Variants in SS18L1 observed in about 807,000 individuals in gnomAD.
SS18L1 encodes calcium-responsive transactivator.
SS18L1 carries 32 observed loss-of-function variants against 70.3 expected under a neutral mutation model. The ratio of observed to expected loss-of-function variants is 0.46; its 90% CI spans 0.34 to 0.61. The LOEUF (loss-of-function observed/expected upper bound fraction) is 0.61. Among genes scored for constraint, SS18L1 ranks in the 20% least tolerant of loss-of-function variants. The probability of loss-of-function intolerance (pLI) is 0.01; values close to 1 mark genes in which losing one functional copy is unlikely to be tolerated. For missense variants in SS18L1, 430 were observed against 542.1 expected (o/e 0.79, Z 2.05); for synonymous variants, 237 against 229.7 (o/e 1.03, Z -0.29).
rs2057713996 is a variant in SS18L1 at position 62,181,792 on chromosome 20, G to A, written c.*2584G>A. The A allele has an allele frequency of 4.4e-6, 1 of 226,722 alleles. No individual in the cohort carries two copies. The highest frequency in any genetic ancestry group is 8.8e-6 in the Non-Finnish European group (1 of 113,992). The allele number at this position is 226,722 out of a possible 1,614,324, so 14.0% of individuals were successfully genotyped here. A position where few individuals can be genotyped will look rare whatever the true frequency, so the allele number is the denominator to read the frequency against. Reference sequence around the variant, plus strand: ...TTCTGTCATATGAATGTTGAGCAAAGCTTAGGCCAACATGAATTGTTTGTG... The same window carrying A: ...TTCTGTCATATGAATGTTGAGCAAAACTTAGGCCAACATGAATTGTTTGTG... On this transcript the variant is annotated 3_prime_UTR_variant, in exon 11 of 11. Transcript: ENST00000331758.
chr20:62,152,931 C>T (rs776132229), intron 1 of SS18L1, among the ~76,000 whole-genome samples: 18 of 152,112 alleles, frequency 1.2e-4, no homozygotes, highest in Admixed American at 2.0e-4. Context: ...CAAAGCCGCG[C>T]GTGCACATCA....
At chr20:62,167,038 GTTTGTTTT>G (rs1330765561) in intron 8 of SS18L1, among the ~76,000 whole-genome samples, 1 of 110,970 alleles carries the variant, frequency 9.0e-6, no homozygotes, top group African/African-American at 4.6e-5. Flanking sequence ...TCAGGAGTTT[GTTTGTTTT>G]TTTTTTTTTT....
intron 1 of SS18L1, among the ~76,000 whole-genome samples, chr20:62,149,187 G>A (rs959912178): frequency 1.3e-5 from 2 of 152,242 alleles, no homozygotes; most frequent in Non-Finnish European, 2.9e-5. Flanking sequence ...GAATAAACAG[G>A]CCCTGGGTGC....
chr20:62,161,412 C>T lies in SS18L1; in HGVS notation c.232-24C>T, dbSNP rs1321715947. The T allele has an allele frequency of 6.2e-7, 1 of 1,612,648 alleles. No individual in the cohort carries two copies. The highest frequency in any genetic ancestry group is 8.5e-7 in the Non-Finnish European group (1 of 1,179,966). On this transcript the variant is annotated intron_variant, in intron 3 of 10. Transcript: ENST00000331758. The surrounding 1 kb of genome is among the most constrained non-coding windows in gnomAD (Gnocchi z 4.4). ...CTCTCCGTAAATTAACCGTTTTTCC[C>T]TGAAAACTTCCTGTTGCCTGCAGCC...
At position 62,174,619 on chromosome 20, in the gene SS18L1, A is replaced by C. The variant is rs759530171; in HGVS notation, c.1139A>C (p.Gln380Pro). 2 of 1,613,734 alleles carry C rather than the reference A, an allele frequency of 1.2e-6. No individual in the cohort carries two copies. Among genetic ancestry groups the C allele is most frequent in the South Asian group, 2.2e-5 (2 of 91,088 alleles). ...RAPQTAPSAQQQRPYGYEQGQ... is the reference protein window; with the variant it reads ...RAPQTAPSAQPQRPYGYEQGQ... ...CCGCAGACAGCGCCGTCTGCCCAGCAGCAGCGGCCCTACGGCTATGAACAG... is the reference window on the plus strand; with the variant it reads ...CCGCAGACAGCGCCGTCTGCCCAGCCGCAGCGGCCCTACGGCTATGAACAG... The change falls in exon 10 of 11, where the codon CAG (glutamine) becomes CCG (proline). Residue 380 changes from glutamine (Q) to proline (P), a missense_variant. Physicochemically the swap from Gln to Pro is moderately conservative, Grantham distance 76 (BLOSUM62 -1). Transcript: ENST00000331758. The surrounding 1 kb of genome is among the most constrained non-coding windows in gnomAD (Gnocchi z 4.1).
rs888254585 is a variant in SS18L1 at position 62,179,160 on chromosome 20, T to A, written c.1165-22T>A. 8.1e-6 allele frequency: 13 copies of A among 1,613,970 alleles called. No homozygotes were observed. The African/African-American group carries it at 1.6e-4, about 20-fold the overall frequency. On this transcript the variant is annotated intron_variant, in intron 10 of 10. Coordinates refer to ENST00000331758, the MANE Select transcript of SS18L1 (RefSeq NM_198935.3). ...TTCACTCATTACTATAGGGGTGTAA[T>A]CTGTGTCTTGATCTCTTTTAGGGCC...
rs754928753 is a variant in SS18L1, at chr20:62,163,591, G to A, written c.690G>A (p.Arg230=). Residue 230 remains arginine (R), a synonymous_variant, in exon 6 of 11, where the codon CGG becomes CGA. Coordinates refer to ENST00000331758, the MANE Select transcript of SS18L1 (RefSeq NM_198935.3). The stretch of plus-strand genomic sequence containing the variant: ...AGGGGAGCAGCATGATGGGGCAGCG[G>A]CCCATGGCGCCCTACCGGCCCTCCC... The part of the protein sequence containing the change: ...GSQGSSMMGQ[R]PMAPYRPSQQ... 6.2e-7 allele frequency: 1 copy of A among 1,603,818 alleles called. No individual in the cohort carries two copies. Among genetic ancestry groups the A allele is most frequent in the Non-Finnish European group, 8.5e-7 (1 of 1,177,426 alleles).
rs959355793 is a variant in SS18L1, at chr20:62,175,182, G to A, written c.1164+538G>A. On this transcript the variant is annotated intron_variant, in intron 10 of 10. Transcript: ENST00000331758. ...CAGCCCCAGGCTCAGCCTAGGGAGG[G>A]GGAAGCCCTTTCTGCCCAGGAACAG... 16 of 954,578 alleles carry A rather than the reference G, an allele frequency of 1.7e-5. No homozygotes were observed. The South Asian group carries it at 6.3e-4, about 38-fold the overall frequency. The allele number at this position is 954,578 out of a possible 1,614,324, so 59.1% of individuals were successfully genotyped here. A position where few individuals can be genotyped will look rare whatever the true frequency, so the allele number is the denominator to read the frequency against.
At position 62,174,445 on chromosome 20, in the gene SS18L1, T is replaced by G. The variant is rs975576109; in HGVS notation, c.1037-72T>G. ...GGAGAAGAGGAAGTTTTAAAAAAAA[T>G]TTTTAAGTTAAGAAAAAAAAAGAAA... is the stretch of plus-strand genomic sequence containing the variant. On this transcript the variant is annotated intron_variant, in intron 9 of 10. Transcript: ENST00000331758. This position sits in a 1 kb window ranked among gnomAD's most constrained non-coding sequence, Gnocchi z 4.1. 4.5e-6 allele frequency: 7 copies of G among 1,541,742 alleles called. No individual in the cohort carries two copies. The highest frequency in any genetic ancestry group is 4.4e-6 in the Non-Finnish European group (5 of 1,147,436).
chr20:62,173,569 G>T (rs548953016), intron 9 of SS18L1, among the ~76,000 whole-genome samples: 1 of 152,188 alleles, frequency 6.6e-6, no homozygotes, highest in African/African-American at 2.4e-5. Flanking sequence ...AATTAGCTGG[G>T]CATGGTGGTG....
intron 1 of SS18L1, among the ~76,000 whole-genome samples, chr20:62,154,939 G>T (rs150172499): frequency 6.6e-6 from 1 of 151,992 alleles, no homozygotes; most frequent in Non-Finnish European, 1.5e-5. Flanking sequence ...TTCATATCCC[G>T]CCCCTCTGTT....
intron 5 of SS18L1, 138 bp downstream of exon 5, chr20:62,163,069 T>C (rs1421882192): frequency 8.4e-6 from 10 of 1,187,318 alleles, no homozygotes; most frequent in Non-Finnish European, 1.2e-5. Flanking sequence ...GAATCGGGGC[T>C]GGCCGCTGCC....
At position 62,172,055 on chromosome 20, in the gene SS18L1, G is replaced by A. The variant is rs192545910; in HGVS notation, c.917-627G>A. On this transcript the variant is annotated intron_variant, in intron 8 of 10. Transcript: ENST00000331758. ...CGGGCACCTGTAGTCCCAGCTACTC[G>A]GGAGGCTGAGGCAGGAGAATGGCGT... 6.2e-3 allele frequency among the ~76,000 whole-genome samples: 947 copies of A among 152,036 alleles called. 5 individuals are homozygous for A. Among genetic ancestry groups the A allele is most frequent in the Non-Finnish European group, 9.1e-3 (620 of 67,962 alleles).
chr20:62,172,158 C>T (rs1245714615), intron 8 of SS18L1, among the ~76,000 whole-genome samples: 2 of 148,726 alleles, frequency 1.3e-5, no homozygotes, highest in Non-Finnish European at 3.0e-5. Flanking sequence ...AGCGAAACTC[C>T]ATCTCAAAAA....
intron 1 of SS18L1, among the ~76,000 whole-genome samples, chr20:62,145,957 AAGG>A (rs113273363): frequency 1.3e-4 from 20 of 152,296 alleles, no homozygotes; most frequent in African/African-American, 4.3e-4. Context: ...CGTGGTAGTG[AAGG>A]AGAAGGAAGT....
Position 62,174,975 on chromosome 20 carries a change from A to G in SS18L1, c.1164+331A>G, listed in dbSNP as rs957333840. ...TGCTTGGTGTGTGGCCGCGACACGAACCCTGCACTTTTAGAGCTTATGTCT... is the reference window on the plus strand; with the variant it reads ...TGCTTGGTGTGTGGCCGCGACACGAGCCCTGCACTTTTAGAGCTTATGTCT... On this transcript the variant is annotated intron_variant, in intron 10 of 10. Coordinates refer to ENST00000331758, the MANE Select transcript of SS18L1 (RefSeq NM_198935.3). The surrounding 1 kb of genome is among the most constrained non-coding windows in gnomAD (Gnocchi z 4.1). The G allele has an allele frequency of 2.1e-5, 19 of 921,434 alleles. No individual in the cohort carries two copies. Among genetic ancestry groups the G allele is most frequent in the Non-Finnish European group, 2.5e-5 (19 of 771,794 alleles). The allele number at this position is 921,434 out of a possible 1,614,324, so 57.1% of individuals were successfully genotyped here.
intron 10 of SS18L1, chr20:62,175,343 A>T: frequency 1.0e-6 from 1 of 985,404 alleles, no homozygotes; most frequent in Non-Finnish European, 1.2e-6. Context: ...TAAAGCAGAC[A>T]TCGCTTTCCC....
Position 62,146,605 on chromosome 20 carries a change from A to ATTTTTTTTTTTTTTTTTTTTTT in SS18L1, c.69+2737_69+2738insTTTTTTTTTTTTTTTTTTTTTT, listed in dbSNP as rs10673768. Among the ~76,000 whole-genome samples the ATTTTTTTTTTTTTTTTTTTTTT allele has an allele frequency of 4.5e-4, 36 of 79,718 alleles. 10 individuals are homozygous for ATTTTTTTTTTTTTTTTTTTTTT. Among genetic ancestry groups the ATTTTTTTTTTTTTTTTTTTTTT allele is most frequent in the African/African-American group, 9.9e-4 (19 of 19,192 alleles). The allele number at this position is 79,718 out of a possible 152,430, so 52.3% of individuals were successfully genotyped here. A position where few individuals can be genotyped will look rare whatever the true frequency, so the allele number is the denominator to read the frequency against. On this transcript the variant is annotated intron_variant, in intron 1 of 10. Transcript: ENST00000331758. ...CATCCAGCGTGTCTCTGCTTTGATCATTTTTTTTTTTTTTTTTTTTTGAGA... is the reference window on the plus strand; with the variant it reads ...CATCCAGCGTGTCTCTGCTTTGATCATTTTTTTTTTTTTTTTTTTTTTTTTTTTTTTTTTTTTTTTTTTGAGA...
chr20:62,165,807 C>G (rs1014310050), intron 8 of SS18L1, among the ~76,000 whole-genome samples: 6 of 150,272 alleles, frequency 4.0e-5, no homozygotes, highest in African/African-American at 1.2e-4. Flanking sequence ...GGGCCTGCGA[C>G]AGGAAGGATT....
Sources: allele counts gnomAD v4.1 joint callset (sites outside exome capture counted in the v4.1 genomes callset), GRCh38; gene constraint gnomAD v4.1.1; non-coding constraint Gnocchi (gnomAD v3.1); transcripts MANE v1.5; gene names NCBI Gene and HGNC (gene_info 2026-07-23, HGNC 2026-07-21).